DCAF8L2: variants seen among roughly 807,000 people sequenced by gnomAD.
DCAF8L2 encodes DDB1- and CUL4-associated factor 8-like protein 2.
For synonymous variants in DCAF8L2, 200 were observed against 190.9 expected, an observed-to-expected ratio of 1.05 and a Z score of -0.39; for missense variants, 430 against 490.7, an observed-to-expected ratio of 0.88 and a Z score of 1.17.
At chrX:27,649,284 C>A (rs1250180187) in intron 2 of DCAF8L2, among the ~76,000 whole-genome samples, 1 of 111,979 alleles carries the variant, frequency 8.9e-6, no homozygotes. Flanking sequence ...GTGCATGTGT[C>A]TTTTTGGAGG....
At chrX:27,587,985 A>AATATATATATATATATATAT (rs202098791), upstream of DCAF8L2, among the ~76,000 whole-genome samples, 12 of 22,338 alleles carry the variant, frequency 5.4e-4, no homozygotes, top group African/African-American at 8.9e-4. Flanking sequence ...TAAAAAAAAA[A>AATATATATATATATATATAT]ATATATATAT....
intron 2 of DCAF8L2, among the ~76,000 whole-genome samples, chrX:27,676,784 G>A (rs184111300): frequency 6.3e-5 from 7 of 111,771 alleles, no homozygotes; most frequent in African/African-American, 1.9e-4. Context: ...TCGATTTCGT[G>A]CATGCATTTT....
At chrX:27,481,416 T>TTCA in the DCAF8L2 span, among the ~76,000 whole-genome samples, 7 of 111,096 alleles carry the variant, frequency 6.3e-5, no homozygotes, top group African/African-American at 2.0e-4. Context: ...TTAAAGAATT[T>TTCA]TCATCTTTAT....
chrX:27,635,764 G>A (rs752602073), intron 2 of DCAF8L2, among the ~76,000 whole-genome samples: 7 of 107,366 alleles, frequency 6.5e-5, no homozygotes, highest in African/African-American at 2.4e-4. Flanking sequence ...AACACCTAAC[G>A]TATGAAAGCA....
At chrX:27,660,264 T>G (rs1224550614) in intron 2 of DCAF8L2, among the ~76,000 whole-genome samples, 1 of 111,980 alleles carries the variant, frequency 8.9e-6, no homozygotes, top group Non-Finnish European at 1.9e-5. Flanking sequence ...CCTCAGGTGA[T>G]CCACCTGTCT....
chrX:27,686,402 T>TA (rs927144220), intron 3 of DCAF8L2, among the ~76,000 whole-genome samples: 4 of 110,190 alleles, frequency 3.6e-5, no homozygotes, highest in African/African-American at 1.3e-4. Context: ...TATTTGACTA[T>TA]AAAAAAAATA....
intron 1 of DCAF8L2, among the ~76,000 whole-genome samples, chrX:27,602,765 T>TG (rs1448328149): frequency 1.8e-5 from 2 of 111,986 alleles, no homozygotes; most frequent in African/African-American, 6.5e-5. Flanking sequence ...TGTGTTACAC[T>TG]AAGTGATCTA....
At chrX:27,705,233 T>C (rs1931304043) in intron 3 of DCAF8L2, among the ~76,000 whole-genome samples, 1 of 111,223 alleles carries the variant, frequency 9.0e-6, no homozygotes, top group South Asian at 3.7e-4. Flanking sequence ...ATACCATGTC[T>C]TTGATATTGT....
chrX:27,573,847 T>C, the DCAF8L2 span, among the ~76,000 whole-genome samples: 384 of 107,811 alleles, frequency 3.6e-3, 1 homozygote, highest in African/African-American at 0.012. Context: ...ATGCACTTCT[T>C]TCTCTCTCTC....
chrX:27,585,898 C>G (rs185778729), upstream of DCAF8L2, among the ~76,000 whole-genome samples: 74 of 111,670 alleles, frequency 6.6e-4, no homozygotes, highest in Non-Finnish European at 3.2e-4. Context: ...TTTAAGGAAG[C>G]CAATATAAAG....
the DCAF8L2 span, among the ~76,000 whole-genome samples, chrX:27,563,171 A>G: frequency 2.7e-5 from 3 of 111,763 alleles, no homozygotes; most frequent in African/African-American, 9.8e-5. Context: ...TGGATGAAAC[A>G]TAAAATTGTA....
intron 1 of DCAF8L2, among the ~76,000 whole-genome samples, chrX:27,623,882 T>A (rs2147159661): frequency 8.9e-6 from 1 of 111,889 alleles, no homozygotes; most frequent in Admixed American, 9.5e-5. Context: ...ACATTGAAAT[T>A]GCTTCCTAAA....
intron 3 of DCAF8L2, among the ~76,000 whole-genome samples, chrX:27,687,166 A>G (rs914680570): frequency 1.1e-4 from 12 of 112,115 alleles, no homozygotes; most frequent in African/African-American, 3.6e-4. Flanking sequence ...ATAACAAAAT[A>G]TCTTGTGTAG....
rs751379029 is a variant in DCAF8L2 at position 27,748,011 on chromosome X, T to C, written c.1116T>C (p.Ile372=). ...ATAAGAAAGTGGGACTGTATACAAT[T>C]ACTGTGAATCCCGCCAATACCTACC... The part of the protein sequence containing the change: ...ENDKKVGLYT[I]TVNPANTYQF... Residue 372 remains isoleucine (I), a synonymous_variant, in exon 5 of 5, where the codon ATT becomes ATC. Transcript: ENST00000451261. 9 of 1,211,826 alleles carry C rather than the reference T, an allele frequency of 7.4e-6. No individual in the cohort carries two copies. Among genetic ancestry groups the C allele is most frequent in the East Asian group, 5.9e-5 (2 of 33,828 alleles).
the DCAF8L2 span, among the ~76,000 whole-genome samples, chrX:27,553,861 G>C: frequency 9.0e-6 from 1 of 111,586 alleles, no homozygotes; most frequent in Non-Finnish European, 1.9e-5. Flanking sequence ...TTGCTTTGTG[G>C]TTACTATGAG....
the DCAF8L2 span, among the ~76,000 whole-genome samples, chrX:27,532,537 G>A: frequency 9.0e-6 from 1 of 110,891 alleles, no homozygotes; most frequent in Non-Finnish European, 1.9e-5. Flanking sequence ...GATGGAAGTA[G>A]AAAATCACTA....
chrX:27,513,780 A>T, the DCAF8L2 span, among the ~76,000 whole-genome samples: 4 of 111,526 alleles, frequency 3.6e-5, no homozygotes, highest in African/African-American at 9.8e-5. Context: ...CAACAGATGC[A>T]TGAAAAAATT....
chrX:27,569,557 A>G, the DCAF8L2 span, among the ~76,000 whole-genome samples: 2 of 112,218 alleles, frequency 1.8e-5, no homozygotes, highest in African/African-American at 6.5e-5. Context: ...ACTTTCTTGT[A>G]TAAGGGATTG....
the DCAF8L2 span, among the ~76,000 whole-genome samples, chrX:27,525,148 T>G: frequency 1.8e-5 from 2 of 111,409 alleles, no homozygotes. Flanking sequence ...TCTCCCTTTA[T>G]TATTGTGTGG....
Sources: gnomAD v4.1 joint callset for allele counts (sites outside exome capture counted in the v4.1 genomes callset) on GRCh38, gnomAD v4.1.1 for gene constraint, MANE v1.5 for transcripts, NCBI Gene and HGNC (gene_info 2026-07-23, HGNC 2026-07-21) for gene names.